Variants in MAGT1 observed in about 807,000 individuals in gnomAD.
MAGT1 encodes dolichyl-diphosphooligosaccharide--protein glycosyltransferase subunit MAGT1.
MAGT1 carries 4 observed loss-of-function variants against 28.4 expected under a neutral mutation model. The ratio of observed to expected loss-of-function variants is 0.14; its 90% CI spans 0.07 to 0.32. MAGT1 has a LOEUF of 0.32. Ranked by LOEUF, MAGT1 falls within the 10% of genes least tolerant of loss-of-function variation. The pLI is 1.00. For synonymous variants in MAGT1, 89 were observed against 89.7 expected (o/e 0.99, Z 0.04); for missense variants, 193 against 264.5 (o/e 0.73, Z 1.88).
chrX:77,879,475 T>G (rs1301115226), intron 1 of MAGT1, among the ~76,000 whole-genome samples: 2 of 112,297 alleles, frequency 1.8e-5, no homozygotes, highest in Non-Finnish European at 3.8e-5. Flanking sequence ...TTTATAGAGA[T>G]ATGTATAGAA....
chrX:77,856,716 T>G lies in MAGT1; in HGVS notation c.672+17A>C. Reference sequence around the variant, plus strand: ...AATTTTATTCAAATAATTTTTTGTCTTCTGAAATTCACTCACCAAAGCTGC... The same window carrying G: ...AATTTTATTCAAATAATTTTTTGTCGTCTGAAATTCACTCACCAAAGCTGC... On this transcript the variant is annotated intron_variant, in intron 5 of 9. Coordinates refer to ENST00000618282, the MANE Select transcript of MAGT1 (RefSeq NM_001367916.1). 1 of 1,203,911 alleles carries G rather than the reference T, an allele frequency of 8.3e-7. No homozygotes were observed. Among genetic ancestry groups the G allele is most frequent in the Non-Finnish European group, 1.1e-6 (1 of 888,999 alleles).
chrX:77,833,139 G>A (rs1220394984), intron 8 of MAGT1, among the ~76,000 whole-genome samples: 2 of 112,035 alleles, frequency 1.8e-5, no homozygotes, highest in South Asian at 3.6e-4. Flanking sequence ...CATCAGAATC[G>A]TCTGAATCAT....
At chrX:77,884,766 C>CCCAAT (rs2077062526) in intron 1 of MAGT1, among the ~76,000 whole-genome samples, 1 of 107,924 alleles carries the variant, frequency 9.3e-6, no homozygotes, top group African/African-American at 3.4e-5. Flanking sequence ...CAAAATCACC[C>CCCAAT]CCAATCCCAC....
intron 7 of MAGT1, among the ~76,000 whole-genome samples, chrX:77,847,915 G>C (rs2076956810): frequency 9.0e-6 from 1 of 111,267 alleles, no homozygotes; most frequent in East Asian, 2.8e-4. Flanking sequence ...CCCGGCCAAA[G>C]ATTGATCATT....
intron 7 of MAGT1, among the ~76,000 whole-genome samples, chrX:77,848,599 G>T (rs1165650389): frequency 1.8e-5 from 2 of 111,405 alleles, no homozygotes; most frequent in Non-Finnish European, 3.8e-5. Context: ...TATTAAGATA[G>T]CAAACTCCAT....
At chrX:77,852,653 G>A (rs1329089028) in intron 7 of MAGT1, among the ~76,000 whole-genome samples, 1 of 111,182 alleles carries the variant, frequency 9.0e-6, no homozygotes, top group Non-Finnish European at 1.9e-5. Context: ...GTGCAGTGGT[G>A]TGATATCAGC....
chrX:77,867,026 C>A (rs939786366), intron 3 of MAGT1, among the ~76,000 whole-genome samples: 1 of 66,075 alleles, frequency 1.5e-5, no homozygotes, highest in African/African-American at 3.5e-5. Flanking sequence ...GGCTTCCCCC[C>A]ACCCACGAAG....
rs893987877 is a variant in MAGT1, at chrX:77,867,648, C to T, written c.390+3160G>A. On this transcript the variant is annotated intron_variant, in intron 3 of 9. Coordinates refer to ENST00000618282, the MANE Select transcript of MAGT1 (RefSeq NM_001367916.1). ...AGGAGTTCAAGACTAGCCAGGGCAA[C>T]ATAGCAAGACCCAATCTCAAAAACA... is the stretch of plus-strand genomic sequence containing the variant. 3.2e-4 allele frequency among the ~76,000 whole-genome samples: 21 copies of T among 66,333 alleles called. 3 individuals are homozygous for T. The highest frequency in any genetic ancestry group is 7.4e-4 in the African/African-American group (21 of 28,557). The allele number at this position is 66,333 out of a possible 115,157, so 57.6% of individuals were successfully genotyped here. A position where few individuals can be genotyped will look rare whatever the true frequency, so the allele number is the denominator to read the frequency against.
intron 3 of MAGT1, among the ~76,000 whole-genome samples, chrX:77,870,289 G>A (rs189513455): frequency 9.0e-6 from 1 of 110,782 alleles, no homozygotes; most frequent in East Asian, 2.8e-4. Context: ...TAAAGACTAC[G>A]TATTTGGGTA....
chrX:77,884,569 G>A (rs1557218805), intron 1 of MAGT1, among the ~76,000 whole-genome samples: 1 of 110,504 alleles, frequency 9.0e-6, no homozygotes. Flanking sequence ...CTAAACCAGG[G>A]TTTCTCAAAA....
chrX:77,842,906 A>G (rs1298810424), intron 7 of MAGT1, among the ~76,000 whole-genome samples: 1 of 112,601 alleles, frequency 8.9e-6, no homozygotes, highest in Middle Eastern at 4.6e-3. Context: ...GAGCTGCATA[A>G]ATACAAAATA....
intron 1 of MAGT1, among the ~76,000 whole-genome samples, chrX:77,893,835 C>T (rs1474552145): frequency 9.2e-6 from 1 of 109,080 alleles, no homozygotes; most frequent in African/African-American, 3.3e-5. Context: ...CCCAGGAAGT[C>T]GAGGCTGCAG....
At chrX:77,842,699 C>A (rs1310463957) in intron 7 of MAGT1, among the ~76,000 whole-genome samples, 4 of 109,706 alleles carry the variant, frequency 3.6e-5, no homozygotes, top group African/African-American at 1.3e-4. Flanking sequence ...TGGTGGCAGG[C>A]GCCTGTAATC....
intron 8 of MAGT1, 96 bp downstream of exon 8, chrX:77,841,150 C>G (rs1557214362): frequency 1.6e-6 from 1 of 636,680 alleles, no homozygotes; most frequent in East Asian, 3.3e-5. Flanking sequence ...GGTAAAATAA[C>G]CTACTTATCC....
chrX:77,886,703 G>A (rs2077069035), intron 1 of MAGT1, among the ~76,000 whole-genome samples: 1 of 110,857 alleles, frequency 9.0e-6, no homozygotes, highest in Non-Finnish European at 1.9e-5. Flanking sequence ...TCATCCCCCA[G>A]TACATTTGAT....
intron 8 of MAGT1, among the ~76,000 whole-genome samples, chrX:77,832,158 A>C: frequency 8.9e-6 from 1 of 111,959 alleles, no homozygotes; most frequent in Non-Finnish European, 1.9e-5. Flanking sequence ...GCAGTTATTA[A>C]AGTGAACTAC....
At chrX:77,876,152 ATATATATATATATTTTTTT>A (rs1311761516) in intron 1 of MAGT1, among the ~76,000 whole-genome samples, 1 of 31,143 alleles carries the variant, frequency 3.2e-5, no homozygotes, top group Non-Finnish European at 5.8e-5. Flanking sequence ...ATATATATAT[ATATATATATATATTTTTTT>A]TTTTTTTTTT....
chrX:77,886,452 CTCTG>C (rs2077068311), intron 1 of MAGT1, among the ~76,000 whole-genome samples: 1 of 109,374 alleles, frequency 9.1e-6, no homozygotes, highest in Non-Finnish European at 1.9e-5. Context: ...CATAGTGAGA[CTCTG>C]TCTGTATTTT....
At chrX:77,890,075 C>G (rs1444279643) in intron 1 of MAGT1, among the ~76,000 whole-genome samples, 1 of 112,121 alleles carries the variant, frequency 8.9e-6, no homozygotes, top group Non-Finnish European at 1.9e-5. Context: ...ATAACGACTT[C>G]CAGTTCCATC....
Sources: allele counts gnomAD v4.1 joint callset (sites outside exome capture counted in the v4.1 genomes callset), GRCh38; gene constraint gnomAD v4.1.1; transcripts MANE v1.5; gene names NCBI Gene and HGNC (gene_info 2026-07-23, HGNC 2026-07-21).